The following LINGO2 variants were observed in gnomAD, a reference collection of about 807,000 sequenced individuals.
The protein encoded by LINGO2 is leucine-rich repeat and immunoglobulin-like domain-containing nogo receptor-interacting protein 2.
In LINGO2, 14 loss-of-function variants were observed where a neutral mutation model predicts 30.6. That is an observed-to-expected ratio of 0.46 (90% CI 0.30 to 0.72). The LOEUF (loss-of-function observed/expected upper bound fraction) is 0.72. Among genes scored for constraint, LINGO2 ranks in the 30% least tolerant of loss-of-function variants. LINGO2 has a pLI of 0.07. For missense variants in LINGO2, 729 were observed against 751.7 expected (o/e 0.97, Z 0.35); for synonymous variants, 317 against 288.5 (o/e 1.10, Z -1.00).
At chr9:28,844,483 AG>A in the LINGO2 span, among the ~76,000 whole-genome samples, 1 of 151,912 alleles carries the variant, frequency 6.6e-6, no homozygotes, top group Non-Finnish European at 1.5e-5. Flanking sequence ...TTGGATAAAA[AG>A]TTTATATTCT....
the LINGO2 span, among the ~76,000 whole-genome samples, chr9:28,739,672 C>T: frequency 6.6e-6 from 1 of 151,654 alleles, no homozygotes; most frequent in Non-Finnish European, 1.5e-5. Flanking sequence ...GAATACTGAA[C>T]TATCTCAGAA....
the LINGO2 span, among the ~76,000 whole-genome samples, chr9:28,835,272 C>T: frequency 1.3e-5 from 2 of 152,172 alleles, no homozygotes; most frequent in Non-Finnish European, 2.9e-5. Flanking sequence ...AATCACTTAA[C>T]ATCTGGTATG....
the LINGO2 span, among the ~76,000 whole-genome samples, chr9:28,815,749 C>A: frequency 2.6e-5 from 4 of 152,168 alleles, no homozygotes; most frequent in African/African-American, 9.6e-5. Flanking sequence ...TCCCAGCACT[C>A]TTCTATAAGA....
chr9:27,977,528 C>A (rs909259110), intron 5 of LINGO2, among the ~76,000 whole-genome samples: 1 of 151,938 alleles, frequency 6.6e-6, no homozygotes. Context: ...TATTCAGAAG[C>A]ATCTATTACA....
At chr9:28,162,746 G>T (rs1221299496) in intron 4 of LINGO2, among the ~76,000 whole-genome samples, 1 of 152,068 alleles carries the variant, frequency 6.6e-6, no homozygotes, top group Non-Finnish European at 1.5e-5. Flanking sequence ...TCTTGGTGGG[G>T]TGCTGAGATC....
At chr9:28,019,315 A>G (rs1822996373) in intron 4 of LINGO2, among the ~76,000 whole-genome samples, 1 of 12,572 alleles carries the variant, frequency 8.0e-5, no homozygotes, top group Non-Finnish European at 1.6e-4. Flanking sequence ...CTAGGGGAAT[A>G]TATGTTTTTT....
At chr9:28,013,914 T>G (rs2119278796) in intron 4 of LINGO2, among the ~76,000 whole-genome samples, 1 of 152,330 alleles carries the variant, frequency 6.6e-6, no homozygotes, top group South Asian at 2.1e-4. Context: ...TCATTGCCGT[T>G]ATTTTCTTTT....
intron 4 of LINGO2, among the ~76,000 whole-genome samples, chr9:28,226,667 GAA>G (rs1416015065): frequency 8.6e-5 from 8 of 93,268 alleles, no homozygotes; most frequent in Admixed American, 2.1e-4. Context: ...AAGAAAGAAA[GAA>G]AGAAAGAAAG....
the LINGO2 span, among the ~76,000 whole-genome samples, chr9:28,819,001 T>C: frequency 6.6e-6 from 1 of 151,994 alleles, no homozygotes; most frequent in Non-Finnish European, 1.5e-5. Context: ...AAATACATAG[T>C]TTTGTTGTTT....
At chr9:28,236,116 C>T (rs1011610412) in intron 4 of LINGO2, among the ~76,000 whole-genome samples, 1 of 152,086 alleles carries the variant, frequency 6.6e-6, no homozygotes, top group African/African-American at 2.4e-5. Flanking sequence ...TACAATGGCA[C>T]TCCAGTACAT....
chr9:28,226,697 A>AAGAAAGAAAGAAAGAAAGAAAGAAAG (rs769720438), intron 4 of LINGO2, among the ~76,000 whole-genome samples: 2 of 60,558 alleles, frequency 3.3e-5, no homozygotes, highest in African/African-American at 1.8e-4. Context: ...GAAAGAAAGA[A>AAGAAAGAAAGAAAGAAAGAAAGAAAG]AGAAAGAGAA....
chr9:27,980,625 C>T lies in LINGO2; in HGVS notation c.-35-29919G>A, dbSNP rs570854590. Reference sequence around the variant, plus strand: ...TTCCAGCCCTTCTTGGGTCATCAAGCCTAATATTCTCTTTTCATTTGTTGG... The same window carrying T: ...TTCCAGCCCTTCTTGGGTCATCAAGTCTAATATTCTCTTTTCATTTGTTGG... On this transcript the variant is annotated intron_variant, in intron 5 of 5. Transcript: ENST00000379992. Among the ~76,000 whole-genome samples, 7 of 152,006 alleles carry T rather than the reference C, an allele frequency of 4.6e-5. No homozygotes were observed. The South Asian group carries it at 6.2e-4, about 13-fold the overall frequency.
At chr9:28,650,617 G>A (rs933904087) in intron 1 of LINGO2, among the ~76,000 whole-genome samples, 1 of 151,960 alleles carries the variant, frequency 6.6e-6, no homozygotes, top group African/African-American at 2.4e-5. Context: ...CCTCTCTGAC[G>A]TCCTGTTTCC....
At chr9:28,023,357 T>C (rs1448323933) in intron 4 of LINGO2, among the ~76,000 whole-genome samples, 5 of 152,198 alleles carry the variant, frequency 3.3e-5, no homozygotes, top group Non-Finnish European at 7.3e-5. Flanking sequence ...GGTACCCTAA[T>C]AGAGGAATTA....
chr9:28,768,997 TC>T, the LINGO2 span, among the ~76,000 whole-genome samples: 84 of 152,232 alleles, frequency 5.5e-4, 1 homozygote, highest in East Asian at 0.013. Flanking sequence ...GTAAAATTTT[TC>T]ATGGGTTTTC....
the LINGO2 span, among the ~76,000 whole-genome samples, chr9:28,822,358 G>A: frequency 6.6e-6 from 1 of 152,274 alleles, no homozygotes; most frequent in East Asian, 1.9e-4. Flanking sequence ...AGTTTTAACT[G>A]TCATAAATTT....
intron 1 of LINGO2, among the ~76,000 whole-genome samples, chr9:28,652,474 T>C (rs1394218126): frequency 6.6e-6 from 1 of 152,126 alleles, no homozygotes; most frequent in East Asian, 1.9e-4. Context: ...CATAAAGGAA[T>C]GCACCACTAC....
At chr9:28,866,327 C>T in the LINGO2 span, among the ~76,000 whole-genome samples, 6,537 of 152,082 alleles carry the variant, frequency 0.043, 213 homozygotes, top group Admixed American at 0.084. Flanking sequence ...TCCAGAACCC[C>T]TGTGTCATTT....
intron 5 of LINGO2, among the ~76,000 whole-genome samples, chr9:28,010,898 C>A (rs1822521444): frequency 6.6e-6 from 1 of 152,188 alleles, no homozygotes; most frequent in Non-Finnish European, 1.5e-5. Context: ...TTCGAGGCTG[C>A]AGTGAGCCAT....
Sources: allele counts gnomAD v4.1 joint callset (sites outside exome capture counted in the v4.1 genomes callset), GRCh38; gene constraint gnomAD v4.1.1; transcripts MANE v1.5; gene names NCBI Gene and HGNC (gene_info 2026-07-23, HGNC 2026-07-21).